Variants in FUT8 observed in about 807,000 individuals in gnomAD.
The protein encoded by FUT8 is fucosyltransferase 8.
Under a neutral mutation model 71.3 loss-of-function variants are expected in FUT8, and 29 were observed. The ratio of observed to expected loss-of-function variants is 0.41; its 90% CI spans 0.30 to 0.55. The LOEUF is 0.55. FUT8 is among the 20% of genes least tolerant of loss of function. The probability of loss-of-function intolerance (pLI) is 0.34; values close to 1 mark genes in which losing one functional copy is unlikely to be tolerated. For missense variants in FUT8, 544 were observed against 702.1 expected (o/e 0.77, Z 2.55); for synonymous variants, 254 against 239.3 (o/e 1.06, Z -0.57).
At chr14:65,497,371 A>T (rs761308760) in intron 2 of FUT8, among the ~76,000 whole-genome samples, 1 of 152,188 alleles carries the variant, frequency 6.6e-6, no homozygotes, top group East Asian at 1.9e-4. Context: ...GTTAAAATGT[A>T]GAGTTTTGTG....
chr14:65,594,399 G>A (rs1313569795), intron 3 of FUT8, among the ~76,000 whole-genome samples: 1 of 152,220 alleles, frequency 6.6e-6, no homozygotes, highest in Non-Finnish European at 1.5e-5. Context: ...CAGCATCCAG[G>A]TAGGGGTTTC....
At chr14:65,636,332 T>G (rs980717237) in intron 6 of FUT8, among the ~76,000 whole-genome samples, 1 of 152,130 alleles carries the variant, frequency 6.6e-6, no homozygotes, top group South Asian at 2.1e-4. Context: ...TTTTGTTTGT[T>G]TCCATTTCAT....
chr14:65,523,007 A>G (rs896628749), intron 2 of FUT8, among the ~76,000 whole-genome samples: 3 of 152,076 alleles, frequency 2.0e-5, no homozygotes, highest in Non-Finnish European at 2.9e-5. Flanking sequence ...AGTCTTTGCT[A>G]TTGTTAATAG....
At chr14:65,510,750 T>C (rs560686922) in intron 2 of FUT8, among the ~76,000 whole-genome samples, 4 of 152,258 alleles carry the variant, frequency 2.6e-5, no homozygotes, top group Admixed American at 2.6e-4. Context: ...ATTCTTCGGA[T>C]TTCTGTGATA....
chr14:65,615,777 A>G lies in FUT8; in HGVS notation c.204-201A>G, dbSNP rs111724718. ...TTTCTGAAGTAGATTAATATTTTCTATTTTTCGTTATTATCATTTCATTGT... is the reference window on the plus strand; with the variant it reads ...TTTCTGAAGTAGATTAATATTTTCTGTTTTTCGTTATTATCATTTCATTGT... On this transcript the variant is annotated intron_variant, in intron 3 of 10. Transcript: ENST00000673929. Among the ~76,000 whole-genome samples, 2,284 of 152,114 alleles carry G rather than the reference A, an allele frequency of 0.015. 59 individuals carry two copies. Among genetic ancestry groups the G allele is most frequent in the African/African-American group, 0.051 (2,131 of 41,492 alleles).
intron 3 of FUT8, among the ~76,000 whole-genome samples, chr14:65,598,366 A>T (rs1888107503): frequency 6.6e-6 from 1 of 151,750 alleles, no homozygotes; most frequent in South Asian, 2.1e-4. Context: ...GGGATTACAG[A>T]TGCACGCCAC....
Position 65,607,879 on chromosome 14 carries a change from A to G in FUT8, c.204-8099A>G, listed in dbSNP as rs774305673. Among the ~76,000 whole-genome samples, 5 of 151,830 alleles carry G rather than the reference A, an allele frequency of 3.3e-5. No homozygotes were observed. Among genetic ancestry groups the G allele is most frequent in the Admixed American group, 6.6e-5 (1 of 15,220 alleles). On this transcript the variant is annotated intron_variant, in intron 3 of 10. Transcript: ENST00000673929. The surrounding 1 kb of genome is among the most constrained non-coding windows in gnomAD (Gnocchi z 4.1). ...GAGATCGAGACCATTACTGGCCAAC[A>G]TGGTGAAACCCCGTCTCTACGAAAA...
At chr14:65,581,594 A>G (rs888907462) in intron 3 of FUT8, among the ~76,000 whole-genome samples, 8 of 152,128 alleles carry the variant, frequency 5.3e-5, no homozygotes, top group African/African-American at 1.7e-4. Flanking sequence ...GAAGAATGTA[A>G]ATAGAATATT....
intron 2 of FUT8, among the ~76,000 whole-genome samples, chr14:65,477,377 G>A (rs1486788707): frequency 1.3e-5 from 2 of 152,150 alleles, no homozygotes; most frequent in African/African-American, 4.8e-5. Context: ...AGTTGTTGGA[G>A]ACTATGAATA....
chr14:65,371,278 T>A, the FUT8 span, among the ~76,000 whole-genome samples: 2 of 152,258 alleles, frequency 1.3e-5, no homozygotes, highest in East Asian at 3.8e-4. Context: ...TAATTGTTTA[T>A]CTGATGCCCT....
At position 65,546,352 on chromosome 14, in the gene FUT8, G is replaced by C. The variant is rs576163050; in HGVS notation, c.-227-14985G>C. ...ATTCTTTATTGAGCTTCAGTAGTTT[G>C]TTTCTTTTAGGGAATCTGTCCATTT... is the stretch of plus-strand genomic sequence containing the variant. On this transcript the variant is annotated intron_variant, in intron 2 of 10. Transcript: ENST00000673929. 7.9e-5 allele frequency among the ~76,000 whole-genome samples: 12 copies of C among 151,804 alleles called. No individual in the cohort carries two copies. The East Asian group carries it at 2.3e-3, about 29-fold the overall frequency.
At chr14:65,391,823 T>A in the FUT8 span, among the ~76,000 whole-genome samples, 2 of 150,784 alleles carry the variant, frequency 1.3e-5, no homozygotes, top group Admixed American at 6.6e-5. Flanking sequence ...GGTTTCACCA[T>A]GTTGGTCAGG....
intron 2 of FUT8, among the ~76,000 whole-genome samples, chr14:65,528,510 G>A (rs1883681900): frequency 6.6e-6 from 1 of 152,312 alleles, no homozygotes; most frequent in South Asian, 2.1e-4. Context: ...GTGAAGCGAT[G>A]CCTCACCCTA....
chr14:65,545,222 A>G (rs984327547), intron 2 of FUT8, among the ~76,000 whole-genome samples: 6 of 152,086 alleles, frequency 3.9e-5, no homozygotes, highest in African/African-American at 1.4e-4. Context: ...GAGCAAAGCA[A>G]TAAAAAAGAT....
chr14:65,589,547 C>G (rs540097678), intron 3 of FUT8, among the ~76,000 whole-genome samples: 8 of 150,798 alleles, frequency 5.3e-5, no homozygotes, highest in South Asian at 4.2e-4. Context: ...GGGTTCACAC[C>G]ATTCTCCTGC....
rs530282204 is a variant in FUT8 at position 65,541,753 on chromosome 14, C to T, written c.-227-19584C>T. On this transcript the variant is annotated intron_variant, in intron 2 of 10. Coordinates refer to ENST00000673929, the MANE Select transcript of FUT8 (RefSeq NM_001371533.1). ...CCAGTGATCTGGGTATCCCTTAACC[C>T]AGTCACGTTGACATAAAAAATTAAC... 3.5e-4 allele frequency among the ~76,000 whole-genome samples: 53 copies of T among 152,316 alleles called. No homozygotes were observed. In the South Asian group the frequency reaches 0.011, roughly 30 times the overall value.
intron 1 of FUT8, among the ~76,000 whole-genome samples, chr14:65,445,017 A>G (rs2065717800): frequency 6.6e-6 from 1 of 152,152 alleles, no homozygotes; most frequent in Non-Finnish European, 1.5e-5. Context: ...CAACCAGGCC[A>G]AGATGGTGAA....
chr14:65,563,735 T>C (rs1886041967), intron 3 of FUT8, among the ~76,000 whole-genome samples: 1 of 152,064 alleles, frequency 6.6e-6, no homozygotes, highest in South Asian at 2.1e-4. Flanking sequence ...TTCAATTTGT[T>C]TATTTCTGAC....
At chr14:65,677,153 C>CGCGCGT (rs1892782544) in intron 7 of FUT8, among the ~76,000 whole-genome samples, 3 of 64,770 alleles carry the variant, frequency 4.6e-5, no homozygotes, top group Non-Finnish European at 1.0e-4. Context: ...TGTGTGTGTG[C>CGCGCGT]GCGCGCGCAT....
Sources: gnomAD v4.1 joint callset for allele counts (sites outside exome capture counted in the v4.1 genomes callset) on GRCh38, gnomAD v4.1.1 for gene constraint, Gnocchi (gnomAD v3.1) non-coding constraint, MANE v1.5 for transcripts, NCBI Gene and HGNC (gene_info 2026-07-23, HGNC 2026-07-21) for gene names.